PDE10A: variants seen among roughly 807,000 people sequenced by gnomAD.
PDE10A encodes phosphodiesterase 10A.
In PDE10A, 39 loss-of-function variants were observed where a neutral mutation model predicts 97.7. The observed-to-expected ratio is 0.40, with a 90% CI of 0.31 to 0.52. PDE10A has a LOEUF of 0.52. Among genes scored for constraint, PDE10A ranks in the 20% least tolerant of loss-of-function variants. PDE10A has a pLI of 0.56. For synonymous variants in PDE10A, 371 were observed against 376.8 expected (o/e 0.98, Z 0.18); for missense variants, 731 against 1,047.8 (o/e 0.70, Z 4.17).
At chr6:165,516,735 G>C (rs1176954472) in intron 2 of PDE10A, among the ~76,000 whole-genome samples, 1 of 151,988 alleles carries the variant, frequency 6.6e-6, no homozygotes, top group African/African-American at 2.4e-5. Context: ...AAATCACTAG[G>C]GAAAAATTTT....
At chr6:165,551,967 C>T (rs1479002621) in intron 1 of PDE10A, among the ~76,000 whole-genome samples, 1 of 152,060 alleles carries the variant, frequency 6.6e-6, no homozygotes, top group Middle Eastern at 3.2e-3. Flanking sequence ...GCATGCCAAG[C>T]CCTTCCTTTC....
chr6:165,364,199 C>T (rs537330756), intron 18 of PDE10A, among the ~76,000 whole-genome samples: 2 of 152,144 alleles, frequency 1.3e-5, no homozygotes, highest in East Asian at 3.9e-4. Context: ...TCCTAATGTC[C>T]AACATGTTAG....
chr6:165,782,010 T>C (rs1188928198), intron 1 of PDE10A: 1 of 152,144 alleles, frequency 6.6e-6, no homozygotes, highest in African/African-American at 2.4e-5. Context: ...ATGACCCAGA[T>C]AGTAAGGTAA....
rs9457103 is a variant in PDE10A at position 165,557,303 on chromosome 6, C to A, written c.866-13735G>T. 3.3e-3 allele frequency among the ~76,000 whole-genome samples: 498 copies of A among 151,850 alleles called. 5 individuals carry two copies. Among genetic ancestry groups the A allele is most frequent in the African/African-American group, 0.011 (472 of 41,296 alleles). ...AAACAAAAAATGGAGAAAAGAGAGA[C>A]CAAAGAAAGAGACTTATATACCGAT... On this transcript the variant is annotated intron_variant, in intron 1 of 21. Transcript: ENST00000539869.
At chr6:165,753,475 A>G (rs543738919) in intron 1 of PDE10A, among the ~76,000 whole-genome samples, 67 of 152,342 alleles carry the variant, frequency 4.4e-4, no homozygotes, top group African/African-American at 1.6e-3. Context: ...ATTTCATTTC[A>G]TGTTACAGAA....
chr6:165,963,126 T>C (rs1784406898), intron 1 of PDE10A, among the ~76,000 whole-genome samples: 1 of 152,114 alleles, frequency 6.6e-6, no homozygotes, highest in Non-Finnish European at 1.5e-5. Context: ...TCCTTTGAAA[T>C]AAAAATTTTT....
intron 6 of PDE10A, 45 bp downstream of exon 6, chr6:165,435,192 A>G (rs200654337): frequency 2.0e-6 from 3 of 1,505,040 alleles, no homozygotes; most frequent in Non-Finnish European, 1.8e-6. Context: ...TCTTAATTAA[A>G]TACTTTAGGT....
At chr6:165,581,362 C>CT (rs1785608512) in intron 1 of PDE10A, among the ~76,000 whole-genome samples, 1 of 152,050 alleles carries the variant, frequency 6.6e-6, no homozygotes, top group Non-Finnish European at 1.5e-5. Flanking sequence ...AGAGTAGAGC[C>CT]CTCACTGACA....
chr6:165,616,220 T>G (rs1787719797), intron 1 of PDE10A, among the ~76,000 whole-genome samples: 1 of 152,072 alleles, frequency 6.6e-6, no homozygotes, highest in African/African-American at 2.4e-5. Flanking sequence ...TGTATCTCCT[T>G]TCGTACCCAG....
rs143216904 is a variant in PDE10A at position 165,691,105 on chromosome 6, CT to C, written c.-614-147538del. On this transcript the variant is annotated intron_variant, in intron 1 of 19. Transcript: ENST00000366882. ...TCTCTCTCTCTCTCTCTCTTTCTCTCTCCCCCCCCCCATCAGTGCCTGTGGT... is the reference window on the plus strand; with the variant it reads ...TCTCTCTCTCTCTCTCTCTTTCTCTCCCCCCCCCCCATCAGTGCCTGTGGT... 9.2e-3 allele frequency among the ~76,000 whole-genome samples: 313 copies of C among 33,934 alleles called. 29 individuals carry two copies. The highest frequency in any genetic ancestry group is 0.014 in the Non-Finnish European group (184 of 13,044). 22.3% of individuals were successfully genotyped at this position (33,934 alleles called of 152,430 possible).
chr6:165,467,755 T>A (rs1778743900), intron 3 of PDE10A, among the ~76,000 whole-genome samples: 1 of 152,192 alleles, frequency 6.6e-6, no homozygotes, highest in African/African-American at 2.4e-5. Flanking sequence ...GGATTTAGAA[T>A]ATTCTATAAA....
chr6:165,556,108 G>A (rs558710060), intron 1 of PDE10A, among the ~76,000 whole-genome samples: 2 of 152,252 alleles, frequency 1.3e-5, no homozygotes, highest in African/African-American at 4.8e-5. Context: ...TTATGTTATT[G>A]ATAAGGCTTT....
At chr6:165,871,952 T>C (rs1409570603) in intron 1 of PDE10A, among the ~76,000 whole-genome samples, 1 of 152,158 alleles carries the variant, frequency 6.6e-6, no homozygotes, top group African/African-American at 2.4e-5. Context: ...CAGTGAAGCT[T>C]TTCACTGGAG....
chr6:165,515,302 T>C (rs1266367372), intron 2 of PDE10A, among the ~76,000 whole-genome samples: 3 of 152,186 alleles, frequency 2.0e-5, no homozygotes, highest in Non-Finnish European at 2.9e-5. Context: ...AATACTTCTA[T>C]AGTGCTTTTA....
intron 1 of PDE10A, among the ~76,000 whole-genome samples, chr6:165,931,040 C>A (rs1376389504): frequency 6.6e-6 from 1 of 152,156 alleles, no homozygotes; most frequent in Non-Finnish European, 1.5e-5. Context: ...TGCACCTCTG[C>A]GATATCAGAT....
intron 5 of PDE10A, among the ~76,000 whole-genome samples, chr6:165,446,192 T>G (rs1300642856): frequency 6.6e-6 from 1 of 152,216 alleles, no homozygotes; most frequent in Admixed American, 6.5e-5. Flanking sequence ...CTACCAAAGA[T>G]ATATTCCAAG....
At chr6:165,513,290 C>T (rs777543304) in intron 2 of PDE10A, among the ~76,000 whole-genome samples, 6 of 151,960 alleles carry the variant, frequency 3.9e-5, no homozygotes, top group African/African-American at 7.2e-5. Flanking sequence ...TGTCCCCTAC[C>T]AACTATCCTT....
Position 165,661,970 on chromosome 6 carries a change from A to G in PDE10A, c.842T>C (p.Leu281Pro). 1.7e-6 allele frequency: 2 copies of G among 1,197,856 alleles called. No homozygotes were observed. Among genetic ancestry groups the G allele is most frequent in the Non-Finnish European group, 2.4e-6 (2 of 830,412 alleles). 74.2% of individuals were successfully genotyped at this position (1,197,856 alleles called of 1,614,324 possible). ...PSNNASCFRR[L>P]TECFLSPSLT... ...ACTGGGGCTCAGGAAGCACTCGGTC[A>G]GCCTTCGGAAGCAGCTCGCATTATT... Residue 281 changes from leucine to proline, a missense_variant, in exon 1 of 22, where the codon CTG (leucine) becomes CCG (proline). Around this residue, in one of 8 missense-constraint regions of PDE10A, gnomAD observed 181 missense variants for 159.1 expected, o/e 1.14. Coordinates refer to ENST00000539869, the MANE Select transcript of PDE10A (RefSeq NM_001385079.1). This position sits in a 1 kb window ranked among gnomAD's most constrained non-coding sequence, Gnocchi z 4.8.
chr6:165,605,221 A>C (rs983962886), intron 1 of PDE10A, among the ~76,000 whole-genome samples: 8 of 152,062 alleles, frequency 5.3e-5, no homozygotes, highest in Non-Finnish European at 1.2e-4. Context: ...AATCCTTGAC[A>C]TTGCTTCCGT....
Sources: allele counts gnomAD v4.1 joint callset (sites outside exome capture counted in the v4.1 genomes callset), GRCh38; gene constraint gnomAD v4.1.1; regional missense constraint gnomAD v4.1.1; non-coding constraint Gnocchi (gnomAD v3.1); transcripts MANE v1.5; gene names NCBI Gene and HGNC (gene_info 2026-07-23, HGNC 2026-07-21).